CNKSR2: variants seen among roughly 807,000 people sequenced by gnomAD.
The protein encoded by CNKSR2 is CNK homolog protein 2.
CNKSR2 carries 14 observed loss-of-function variants against 84.4 expected under a neutral mutation model. That is an observed-to-expected ratio of 0.17 (90% CI 0.11 to 0.26). CNKSR2 has a LOEUF of 0.26. Among genes scored for constraint, CNKSR2 ranks in the 10% least tolerant of loss-of-function variants. The probability of loss-of-function intolerance (pLI) is 1.00; values close to 1 mark genes in which losing one functional copy is unlikely to be tolerated. For missense variants in CNKSR2, 485 were observed against 771.2 expected (o/e 0.63, Z 4.40); for synonymous variants, 275 against 277.9 (o/e 0.99, Z 0.10).
chrX:21,553,235 C>T (rs948604761), intron 11 of CNKSR2, among the ~76,000 whole-genome samples: 1 of 111,377 alleles, frequency 9.0e-6, no homozygotes, highest in Non-Finnish European at 1.9e-5. Flanking sequence ...ATGTAATGGT[C>T]TTGAATGATA....
rs1242679221 is a variant in CNKSR2 at position 21,426,585 on chromosome X, G to A, written c.153G>A (p.Glu51=). 8.3e-7 allele frequency: 1 copy of A among 1,206,463 alleles called. No individual in the cohort carries two copies. Among genetic ancestry groups the A allele is most frequent in the African/African-American group, 1.8e-5 (1 of 56,858 alleles). The part of the protein sequence containing the change: ...GDQLLRITHQ[E]LEDLGVSRIG... Reference sequence around the variant, plus strand: ...AGCTGCTGCGCATTACACATCAGGAGCTAGAAGATCTGGGGGTCAGCCGCA... The same window carrying A: ...AGCTGCTGCGCATTACACATCAGGAACTAGAAGATCTGGGGGTCAGCCGCA... The change falls in exon 2 of 22, where the codon GAG becomes GAA. Residue 51 remains glutamate (E), a synonymous_variant. Transcript: ENST00000379510.
At chrX:21,648,214 T>C (rs2092711297) in intron 20 of CNKSR2, among the ~76,000 whole-genome samples, 1 of 111,737 alleles carries the variant, frequency 8.9e-6, no homozygotes, top group Non-Finnish European at 1.9e-5. Context: ...GTTACTATAT[T>C]TACAATGTAC....
intron 1 of CNKSR2, among the ~76,000 whole-genome samples, chrX:21,395,597 G>T (rs1485877137): frequency 9.1e-6 from 1 of 110,341 alleles, no homozygotes; most frequent in African/African-American, 3.3e-5. Context: ...TTCTGTCAGG[G>T]TTACCTATGG....
chrX:21,486,831 A>G (rs2091390670), intron 5 of CNKSR2, among the ~76,000 whole-genome samples: 1 of 111,659 alleles, frequency 9.0e-6, no homozygotes, highest in Admixed American at 9.5e-5. Flanking sequence ...GCATTGACCA[A>G]ATTCAGGTTT....
At chrX:21,599,338 T>TGG (rs397896785) in intron 17 of CNKSR2, among the ~76,000 whole-genome samples, 2 of 73,644 alleles carry the variant, frequency 2.7e-5, no homozygotes, top group African/African-American at 1.0e-4. Flanking sequence ...TTTTTTGTTT[T>TGG]GGTGTGTGTG....
intron 2 of CNKSR2, 53 bp from the exon 3 acceptor site, chrX:21,432,559 A>G: frequency 1.2e-6 from 1 of 862,151 alleles, no homozygotes. Context: ...AAATATTTTC[A>G]TGAATGAATA....
intron 19 of CNKSR2, 125 bp from the exon 20 acceptor site, chrX:21,608,946 G>A: frequency 2.0e-6 from 2 of 1,009,144 alleles, no homozygotes; most frequent in Non-Finnish European, 2.6e-6. Flanking sequence ...AACTTGCCTA[G>A]TCATTAACAT....
chrX:21,567,330 C>A (rs1468980114), intron 13 of CNKSR2, among the ~76,000 whole-genome samples: 1 of 111,979 alleles, frequency 8.9e-6, no homozygotes, highest in Non-Finnish European at 1.9e-5. Context: ...CCATTTTGTT[C>A]AGTACTGTAT....
At chrX:21,625,346 C>T (rs978304414) in intron 20 of CNKSR2, among the ~76,000 whole-genome samples, 2 of 111,672 alleles carry the variant, frequency 1.8e-5, no homozygotes, top group Non-Finnish European at 3.8e-5. Context: ...CCTAGCCATT[C>T]AAAATCTGTT....
Position 21,502,884 on chromosome X carries a change from A to G in CNKSR2, c.810+1296A>G, listed in dbSNP as rs191487611. 2.7e-5 allele frequency among the ~76,000 whole-genome samples: 3 copies of G among 111,426 alleles called. No individual in the cohort carries two copies. In the East Asian group the frequency reaches 8.5e-4, roughly 32 times the overall value. The stretch of plus-strand genomic sequence containing the variant: ...TGTACAAAGTAGTTGTTCTGACTGA[A>G]GTTTCCTGTCCCATAGGATGAGGAT... On this transcript the variant is annotated intron_variant, in intron 8 of 21. Coordinates refer to ENST00000379510, the MANE Select transcript of CNKSR2 (RefSeq NM_014927.5).
At chrX:21,523,064 G>A (rs905989954) in intron 9 of CNKSR2, among the ~76,000 whole-genome samples, 1 of 110,880 alleles carries the variant, frequency 9.0e-6, no homozygotes, top group Non-Finnish European at 1.9e-5. Flanking sequence ...AGAGATGCAT[G>A]CCAGTGCCCC....
At chrX:21,549,172 C>A (rs1035989975) in intron 11 of CNKSR2, among the ~76,000 whole-genome samples, 13 of 112,045 alleles carry the variant, frequency 1.2e-4, no homozygotes, top group African/African-American at 3.9e-4. Context: ...TTTAGAAAAC[C>A]CCATCGTCTC....
chrX:21,526,943 G>A lies in CNKSR2; in HGVS notation c.1034G>A (p.Ser345Asn), dbSNP rs2091841324. The stretch of plus-strand genomic sequence containing the variant: ...ATCAGTACACCCACCAAAAGAGACA[G>A]TTCTGCCCTCCAGGATCTCTACATT... ...STISTPTKRD[S>N]SALQDLYIPP... The change falls in exon 10 of 22, where the codon AGT becomes AAT. Residue 345 changes from serine (S) to asparagine (N), a missense_variant. Coordinates refer to ENST00000379510, the MANE Select transcript of CNKSR2 (RefSeq NM_014927.5). 2 of 1,205,158 alleles carry A rather than the reference G, an allele frequency of 1.7e-6. No individual in the cohort carries two copies. The highest frequency in any genetic ancestry group is 2.2e-6 in the Non-Finnish European group (2 of 890,294).
intron 20 of CNKSR2, among the ~76,000 whole-genome samples, chrX:21,612,482 A>G (rs2092555212): frequency 8.9e-6 from 1 of 112,283 alleles, no homozygotes; most frequent in African/African-American, 3.2e-5. Flanking sequence ...CAAGTACAGA[A>G]CTGCAGAGGA....
chrX:21,599,436 G>A (rs1025798377), intron 17 of CNKSR2, among the ~76,000 whole-genome samples: 10 of 106,692 alleles, frequency 9.4e-5, no homozygotes, highest in African/African-American at 3.4e-4. Context: ...CACGATGTCA[G>A]CTCACTGCAA....
intron 1 of CNKSR2, among the ~76,000 whole-genome samples, chrX:21,393,781 T>C (rs992870488): frequency 1.8e-5 from 2 of 112,523 alleles, no homozygotes; most frequent in Admixed American, 9.4e-5. Context: ...CACTGTCTTG[T>C]AGGCTGCTAA....
In CNKSR2 at chrX:21,494,520, GA is replaced by G. The variant is rs762397058; in HGVS notation, c.682-3266del. 4 of 111,979 alleles carry G rather than the reference GA, an allele frequency of 3.6e-5. No individual in the cohort carries two copies. The East Asian group carries it at 8.5e-4, about 24-fold the overall frequency. The allele number at this position is 111,979 out of a possible 1,213,427, so 9.2% of individuals were successfully genotyped here. ...GCAGAATAGCCAGTACACCCTGAGA[GA>G]GGATTCAGGGCAGGCTGCTCCTGAG... is the stretch of plus-strand genomic sequence containing the variant. On this transcript the variant is annotated intron_variant, in intron 6 of 21. Transcript: ENST00000379510.
chrX:21,623,089 T>A (rs921845400), intron 20 of CNKSR2, among the ~76,000 whole-genome samples: 5 of 111,304 alleles, frequency 4.5e-5, no homozygotes. Context: ...AAGAGTACCA[T>A]AGATTTCTAA....
chrX:21,550,679 A>T (rs926008347), intron 11 of CNKSR2, among the ~76,000 whole-genome samples: 1 of 112,297 alleles, frequency 8.9e-6, no homozygotes, highest in Non-Finnish European at 1.9e-5. Flanking sequence ...AATGCCCATC[A>T]ATGATAGACT....
Sources: gnomAD v4.1 joint callset for allele counts (sites outside exome capture counted in the v4.1 genomes callset) on GRCh38, gnomAD v4.1.1 for gene constraint, MANE v1.5 for transcripts, NCBI Gene and HGNC (gene_info 2026-07-23, HGNC 2026-07-21) for gene names.